Variants in CDK9 observed in about 807,000 individuals in gnomAD.
CDK9 encodes cyclin-dependent kinase 9.
Under a neutral mutation model 39.0 loss-of-function variants are expected in CDK9, and 34 were observed. That is an observed-to-expected ratio of 0.87 (90% CI 0.66 to 1.16). The LOEUF (loss-of-function observed/expected upper bound fraction) is 1.16, where lower values mean the gene tolerates loss of function less well. Ranked by LOEUF, CDK9 falls within the 50% of genes most tolerant of loss-of-function variation. The probability of loss-of-function intolerance (pLI) is 0.00; values close to 1 mark genes in which losing one functional copy is unlikely to be tolerated. For synonymous variants in CDK9, 233 were observed against 196.2 expected (o/e 1.19, Z -1.57); for missense variants, 369 against 503.2 (o/e 0.73, Z 2.55).
chr9:127,789,061 CAGTCTGGGAGCCTCCG>C lies in CDK9; in HGVS notation c.754-113_754-98del. The C allele has an allele frequency of 2.3e-6, 3 of 1,329,034 alleles. No individual in the cohort carries two copies. The highest frequency in any genetic ancestry group is 1.0e-6 in the Non-Finnish European group (1 of 983,080). The allele number at this position is 1,329,034 out of a possible 1,614,324, so 82.3% of individuals were successfully genotyped here. On this transcript the variant is annotated intron_variant, in intron 6 of 6. Transcript: ENST00000373264. This position sits in a 1 kb window ranked among gnomAD's most constrained non-coding sequence, Gnocchi z 5.2. ...ACTGCTTCTGGGAGGGGTCGAGTAG[CAGTCTGGGAGCCTCCG>C]AGTGGAGCAGGTATTTTAGTCCTTT...
chr9:127,788,576 TG>T lies in CDK9; in HGVS notation c.641del (p.Gly214ValfsTer62), dbSNP rs1829372589. 8 of 1,581,706 alleles carry T rather than the reference TG, an allele frequency of 5.1e-6. No homozygotes were observed. The highest frequency in any genetic ancestry group is 5.2e-6 in the Non-Finnish European group (6 of 1,164,430). On this transcript the variant is annotated frameshift_variant, in exon 6 of 7. Coordinates refer to ENST00000373264, the MANE Select transcript of CDK9 (RefSeq NM_001261.4). LOFTEE classifies it high-confidence loss of function. Reference sequence around the variant, plus strand: ...GGACTACGGCCCCCCCATTGACCTGTGGGGTGCTGGGTGCATCATGGCAGAG... The same window carrying T: ...GGACTACGGCCCCCCCATTGACCTGTGGGTGCTGGGTGCATCATGGCAGAG... ...ERDYGPPIDL[W>X]GAGCIMAEMW...
At chr9:127,788,410 G>C (rs375548421) in intron 5 of CDK9, 25 bp downstream of exon 5, 23 of 1,601,434 alleles carry the variant, frequency 1.4e-5, no homozygotes, top group Admixed American at 3.4e-5. Context: ...GCGGGCCAAG[G>C]GGGGTGAGGG....
At chr9:127,787,110 TACTC>T (rs1287628483) in intron 2 of CDK9, among the ~76,000 whole-genome samples, 1 of 152,208 alleles carries the variant, frequency 6.6e-6, no homozygotes, top group Non-Finnish European at 1.5e-5. Flanking sequence ...AGGTGTCTGA[TACTC>T]AATTATTTAA....
chr9:127,787,175 A>G (rs1039823648), intron 2 of CDK9, among the ~76,000 whole-genome samples: 2 of 152,170 alleles, frequency 1.3e-5, no homozygotes, highest in Non-Finnish European at 2.9e-5. Context: ...CTCTAGTACA[A>G]CTTCCCATAA....
At chr9:127,787,679 G>A in intron 3 of CDK9, 71 bp downstream of exon 3, 2 of 1,186,670 alleles carry the variant, frequency 1.7e-6, no homozygotes, top group Non-Finnish European at 2.5e-6. Flanking sequence ...TTGGAACTAG[G>A]CACACCTAAA....
rs760683797 is a variant in CDK9 at position 127,788,698 on chromosome 9, G to T, written c.753+6G>T. The T allele has an allele frequency of 6.3e-7, 1 of 1,589,592 alleles. No homozygotes were observed. Among genetic ancestry groups the T allele is most frequent in the South Asian group, 1.1e-5 (1 of 87,298 alleles). On this transcript the variant is annotated splice_donor_region_variant and intron_variant, in intron 6 of 6. Coordinates refer to ENST00000373264, the MANE Select transcript of CDK9 (RefSeq NM_001261.4). Reference sequence around the variant, plus strand: ...GCGGCTCCATCACCCCTGAGGTACGGGGCCCCGGTCCCCACGGGGTGCAGA... The same window carrying T: ...GCGGCTCCATCACCCCTGAGGTACGTGGCCCCGGTCCCCACGGGGTGCAGA...
chr9:127,786,832 C>G (rs1192502703), intron 2 of CDK9, 50 bp downstream of exon 2: 15 of 1,554,010 alleles, frequency 9.7e-6, no homozygotes, highest in Non-Finnish European at 1.3e-5. Flanking sequence ...CCCGGGACCC[C>G]GGGTCGGTTT....
Position 127,789,843 on chromosome 9 carries a change from A to G in CDK9, c.*300A>G. On this transcript the variant is annotated 3_prime_UTR_variant, in exon 7 of 7. Coordinates refer to ENST00000373264, the MANE Select transcript of CDK9 (RefSeq NM_001261.4). This position sits in a 1 kb window ranked among gnomAD's most constrained non-coding sequence, Gnocchi z 5.2. ...CTAAGAGCTCCCGGCGTGGTGGAAG[A>G]GGGGACAGGTCCCTCACCCACCCAC... 1 of 392,470 alleles carries G rather than the reference A, an allele frequency of 2.5e-6. No homozygotes were observed. The highest frequency in any genetic ancestry group is 4.7e-6 in the Non-Finnish European group (1 of 213,242). The allele number at this position is 392,470 out of a possible 1,614,324, so 24.3% of individuals were successfully genotyped here. A position where few individuals can be genotyped will look rare whatever the true frequency, so the allele number is the denominator to read the frequency against.
At position 127,789,026 on chromosome 9, in the gene CDK9, C is replaced by T. The variant is rs1829382536; in HGVS notation, c.754-152C>T. 12 of 996,036 alleles carry T rather than the reference C, an allele frequency of 1.2e-5. No homozygotes were observed. The Admixed American group carries it at 2.4e-4, about 20-fold the overall frequency. 61.7% of individuals were successfully genotyped at this position (996,036 alleles called of 1,614,324 possible). A position where few individuals can be genotyped will look rare whatever the true frequency, so the allele number is the denominator to read the frequency against. On this transcript the variant is annotated intron_variant, in intron 6 of 6. Transcript: ENST00000373264. This position sits in a 1 kb window ranked among gnomAD's most constrained non-coding sequence, Gnocchi z 5.2. ...ACCTGGCACGTGGTATGTGCCAATC[C>T]ATAGCGGGCACTGCTTCTGGGAGGG... is the stretch of plus-strand genomic sequence containing the variant.
chr9:127,787,446 G>A (rs1829350367), intron 2 of CDK9, 72 bp from the exon 3 acceptor site: 1 of 982,332 alleles, frequency 1.0e-6, no homozygotes, highest in African/African-American at 1.6e-5. Context: ...CAACTTGGCT[G>A]TCAGTACAGA....
chr9:127,787,420 A>G, intron 2 of CDK9, 98 bp from the exon 3 acceptor site: 1 of 736,564 alleles, frequency 1.4e-6, no homozygotes, highest in Middle Eastern at 2.5e-4. Context: ...AGAGCCCATG[A>G]TCTTGCTCTG....
chr9:127,786,685 C>T lies in CDK9; in HGVS notation c.93-16C>T. The T allele has an allele frequency of 5.0e-6, 8 of 1,612,342 alleles. No homozygotes were observed. Among genetic ancestry groups the T allele is most frequent in the Middle Eastern group, 3.3e-4 (2 of 6,040 alleles). On this transcript the variant is annotated splice_polypyrimidine_tract_variant and intron_variant, in intron 1 of 6. Coordinates refer to ENST00000373264, the MANE Select transcript of CDK9 (RefSeq NM_001261.4). Reference sequence around the variant, plus strand: ...AATGGCCTGATGAGTTCTCGGGTCTCCCTTTCCGCCTGCAGGGAGGTGTTC... The same window carrying T: ...AATGGCCTGATGAGTTCTCGGGTCTTCCTTTCCGCCTGCAGGGAGGTGTTC...
rs750748568 is a variant in CDK9, at chr9:127,787,645, T to C, written c.265+37T>C. On this transcript the variant is annotated intron_variant, in intron 3 of 6. Coordinates refer to ENST00000373264, the MANE Select transcript of CDK9 (RefSeq NM_001261.4). ...GGTTCTTACGAGAAGATGACACTTG[T>C]AGCCTAAGGTTTTGTTTGTAAACTT... The C allele has an allele frequency of 1.4e-4, 200 of 1,455,136 alleles. 1 individual carries two copies. Among genetic ancestry groups the C allele is most frequent in the Non-Finnish European group, 4.3e-5 (45 of 1,035,356 alleles). The allele number at this position is 1,455,136 out of a possible 1,614,324, so 90.1% of individuals were successfully genotyped here.
In CDK9 at chr9:127,789,197, A is replaced by G. The variant is rs763329642; in HGVS notation, c.773A>G (p.Asn258Ser). 1.9e-6 allele frequency: 3 copies of G among 1,598,324 alleles called. No individual in the cohort carries two copies. In the South Asian group the frequency reaches 3.4e-5, roughly 18 times the overall value. ...ITPEVWPNVD[N>S]YELYEKLELV... ...TCCCAGGTGTGGCCAAACGTGGACA[A>G]CTATGAGCTGTACGAAAAGCTGGAG... is the stretch of plus-strand genomic sequence containing the variant. The change falls in exon 7 of 7, where the codon AAC becomes AGC. Residue 258 changes from asparagine (N) to serine (S), a missense_variant. Asn to Ser is a conservative substitution (Grantham distance 46, BLOSUM62 1). Coordinates refer to ENST00000373264, the MANE Select transcript of CDK9 (RefSeq NM_001261.4). The surrounding 1 kb of genome is among the most constrained non-coding windows in gnomAD (Gnocchi z 5.2).
At chr9:127,787,641 C>T (rs757705410) in intron 3 of CDK9, 33 bp downstream of exon 3, 2 of 1,473,396 alleles carry the variant, frequency 1.4e-6, no homozygotes, top group Non-Finnish European at 1.9e-6. Context: ...GAAGATGACA[C>T]TTGTAGCCTA....
At position 127,788,265 on chromosome 9, in the gene CDK9, G is replaced by A; in HGVS notation, c.484G>A (p.Val162Ile). ...TAATGTGCTTATCACTCGTGATGGGGTCCTGAAGCTGGCAGACTTTGGGCT... is the reference window on the plus strand; with the variant it reads ...TAATGTGCTTATCACTCGTGATGGGATCCTGAAGCTGGCAGACTTTGGGCT... The part of the protein sequence containing the change: ...AANVLITRDG[V>I]LKLADFGLAR... Residue 162 changes from valine to isoleucine, a missense_variant, in exon 5 of 7, where the codon GTC becomes ATC. Physicochemically the swap from Val to Ile is conservative, Grantham distance 29. Coordinates refer to ENST00000373264, the MANE Select transcript of CDK9 (RefSeq NM_001261.4). 2 of 1,613,796 alleles carry A rather than the reference G, an allele frequency of 1.2e-6. No individual in the cohort carries two copies. The highest frequency in any genetic ancestry group is 8.5e-7 in the Non-Finnish European group (1 of 1,180,034).
intron 6 of CDK9, 77 bp downstream of exon 6, chr9:127,788,769 G>C: frequency 7.1e-7 from 1 of 1,405,410 alleles, no homozygotes; most frequent in Non-Finnish European, 9.6e-7. Flanking sequence ...AGAATGGAAG[G>C]AGCGCTCCTC....
chr9:127,787,629 G>A (rs564712203), intron 3 of CDK9, 21 bp downstream of exon 3: 33 of 1,544,064 alleles, frequency 2.1e-5, no homozygotes, highest in Admixed American at 5.0e-5. Flanking sequence ...TGGTTCTTAC[G>A]AGAAGATGAC....
rs1322938102 is a variant in CDK9 at position 127,789,629 on chromosome 9, A to G, written c.*86A>G. On this transcript the variant is annotated 3_prime_UTR_variant, in exon 7 of 7. Coordinates refer to ENST00000373264, the MANE Select transcript of CDK9 (RefSeq NM_001261.4). The surrounding 1 kb of genome is among the most constrained non-coding windows in gnomAD (Gnocchi z 5.2). ...GTGGAGACAGGGCATTTGAGTTTAT[A>G]TCTCTCATGCATATTTTATTTAATC... The G allele has an allele frequency of 4.0e-6, 6 of 1,501,320 alleles. No individual in the cohort carries two copies. The highest frequency in any genetic ancestry group is 5.4e-6 in the Non-Finnish European group (6 of 1,115,738). 93.0% of individuals were successfully genotyped at this position (1,501,320 alleles called of 1,614,324 possible).
Sources: gnomAD v4.1 joint callset for allele counts (sites outside exome capture counted in the v4.1 genomes callset) on GRCh38, gnomAD v4.1.1 for gene constraint, Gnocchi (gnomAD v3.1) non-coding constraint, MANE v1.5 for transcripts, NCBI Gene and HGNC (gene_info 2026-07-23, HGNC 2026-07-21) for gene names.